TUSC3: variants seen among roughly 807,000 people sequenced by gnomAD.
The protein encoded by TUSC3 is dolichyl-diphosphooligosaccharide--protein glycosyltransferase subunit TUSC3.
A neutral mutation model predicts 44.8 loss-of-function variants in TUSC3; 45 were observed. The ratio of observed to expected loss-of-function variants is 1.00; its 90% confidence interval spans 0.79 to 1.29. The LOEUF (loss-of-function observed/expected upper bound fraction) is 1.29. TUSC3 is among the 50% of genes most tolerant of loss of function. The pLI is 0.00. For synonymous variants in TUSC3, 212 were observed against 152.9 expected (o/e 1.39, Z -2.85); for missense variants, 519 against 437.9 (o/e 1.19, Z -1.65).
intron 1 of TUSC3, among the ~76,000 whole-genome samples, chr8:15,458,155 C>T (rs999035889): frequency 7.9e-5 from 12 of 151,974 alleles, no homozygotes; most frequent in Admixed American, 6.6e-4. Flanking sequence ...AGGAAGGTGA[C>T]GAGATGGGTT....
At chr8:15,512,791 T>TCAAC (rs1160254615) in intron 2 of TUSC3, among the ~76,000 whole-genome samples, 1 of 144,858 alleles carries the variant, frequency 6.9e-6, no homozygotes, top group East Asian at 2.1e-4. Context: ...AATCAATCAA[T>TCAAC]CAATCAATAA....
At chr8:15,634,017 G>T (rs1158817833) in intron 2 of TUSC3, among the ~76,000 whole-genome samples, 1 of 152,152 alleles carries the variant, frequency 6.6e-6, no homozygotes, top group East Asian at 1.9e-4. Context: ...TCATTTCAGA[G>T]AGATCTCTAC....
At chr8:15,616,398 C>T (rs1804989296) in intron 1 of TUSC3, among the ~76,000 whole-genome samples, 1 of 151,918 alleles carries the variant, frequency 6.6e-6, no homozygotes, top group Non-Finnish European at 1.5e-5. Context: ...GCCAACATGG[C>T]AAAACTCCGT....
chr8:15,769,883 G>C (rs867052818), downstream of TUSC3, among the ~76,000 whole-genome samples: 3 of 152,216 alleles, frequency 2.0e-5, no homozygotes, highest in African/African-American at 7.2e-5. Context: ...TCTCTCGCCA[G>C]TTAGAATGGC....
intron 2 of TUSC3, among the ~76,000 whole-genome samples, chr8:15,507,332 A>T (rs1801070368): frequency 6.6e-6 from 1 of 152,072 alleles, no homozygotes; most frequent in African/African-American, 2.4e-5. Flanking sequence ...ACTTATTATT[A>T]TTTTTTCAGC....
intron 2 of TUSC3, among the ~76,000 whole-genome samples, chr8:15,522,910 A>T (rs1397855169): frequency 1.3e-5 from 2 of 152,190 alleles, no homozygotes; most frequent in Non-Finnish European, 2.9e-5. Context: ...TTGAGAAGTG[A>T]TTTCAAGGAG....
chr8:15,523,382 A>G (rs1801323845), intron 2 of TUSC3, among the ~76,000 whole-genome samples: 1 of 151,956 alleles, frequency 6.6e-6, no homozygotes, highest in African/African-American at 2.4e-5. Flanking sequence ...TGTGATGTAC[A>G]TTTTGCAGTA....
At chr8:15,417,676 T>C (rs1043854791) in intron 1 of TUSC3, among the ~76,000 whole-genome samples, 1 of 152,206 alleles carries the variant, frequency 6.6e-6, no homozygotes, top group Non-Finnish European at 1.5e-5. Flanking sequence ...CATGTGAAGA[T>C]GCTGAGCACT....
chr8:15,798,367 T>C, the TUSC3 span, among the ~76,000 whole-genome samples: 2,169 of 152,264 alleles, frequency 0.014, 55 homozygotes, highest in African/African-American at 0.049. Context: ...CCATAAAAGT[T>C]TGAATCCTTC....
chr8:15,705,323 A>T (rs911724517), intron 6 of TUSC3, among the ~76,000 whole-genome samples: 2 of 152,094 alleles, frequency 1.3e-5, no homozygotes, highest in African/African-American at 2.4e-5. Flanking sequence ...AACAAAAACT[A>T]TTTAAACAAG....
intron 1 of TUSC3, among the ~76,000 whole-genome samples, chr8:15,481,510 T>C (rs915103375): frequency 5.9e-5 from 9 of 152,118 alleles, no homozygotes; most frequent in African/African-American, 1.9e-4. Flanking sequence ...TCAAGAACCA[T>C]GATCCAATAA....
intron 1 of TUSC3, among the ~76,000 whole-genome samples, chr8:15,462,397 C>G (rs1800357649): frequency 6.6e-6 from 1 of 152,014 alleles, no homozygotes; most frequent in Non-Finnish European, 1.5e-5. Flanking sequence ...TGGCCAACTG[C>G]TATTTTCATT....
At chr8:15,586,762 A>G (rs1027884672) in intron 1 of TUSC3, among the ~76,000 whole-genome samples, 1 of 152,176 alleles carries the variant, frequency 6.6e-6, no homozygotes, top group African/African-American at 2.4e-5. Context: ...GATACCGACA[A>G]GCATTTGGGG....
intron 2 of TUSC3, among the ~76,000 whole-genome samples, chr8:15,517,305 T>C (rs891686368): frequency 2.6e-5 from 4 of 152,092 alleles, no homozygotes; most frequent in African/African-American, 9.7e-5. Context: ...AACTCAAGTC[T>C]CGTTTCTAGC....
At chr8:15,731,378 A>C (rs1446452869) in intron 7 of TUSC3, among the ~76,000 whole-genome samples, 1 of 152,160 alleles carries the variant, frequency 6.6e-6, no homozygotes, top group Non-Finnish European at 1.5e-5. Context: ...TCATTATGAG[A>C]ATGTAACGTG....
intron 8 of TUSC3, among the ~76,000 whole-genome samples, chr8:15,747,537 C>G (rs977812573): frequency 2.1e-4 from 32 of 152,064 alleles, no homozygotes; most frequent in African/African-American, 7.2e-4. Flanking sequence ...TTAGATTGTA[C>G]TAACTGCAGT....
chr8:15,477,886 A>C (rs1215605797), intron 1 of TUSC3, among the ~76,000 whole-genome samples: 3 of 152,046 alleles, frequency 2.0e-5, no homozygotes. Context: ...CTATTTTCCA[A>C]CTAGGCTCCA....
At chr8:15,539,640 C>G (rs1297803889), upstream of TUSC3, among the ~76,000 whole-genome samples, 1 of 152,126 alleles carries the variant, frequency 6.6e-6, no homozygotes, top group African/African-American at 2.4e-5. Flanking sequence ...GCATGAGCCA[C>G]CATGTCCAGT....
chr8:15,639,544 T>C (rs958959228), intron 2 of TUSC3, among the ~76,000 whole-genome samples: 1 of 152,188 alleles, frequency 6.6e-6, no homozygotes, highest in Non-Finnish European at 1.5e-5. Flanking sequence ...AAAACTCTAA[T>C]CTTGATAGCT....
Sources: allele counts gnomAD v4.1 joint callset (sites outside exome capture counted in the v4.1 genomes callset), GRCh38; gene constraint gnomAD v4.1.1; transcripts MANE v1.5; gene names NCBI Gene and HGNC (gene_info 2026-07-23, HGNC 2026-07-21).